AIM2: variants seen among roughly 807,000 people sequenced by gnomAD.
AIM2 encodes the protein interferon-inducible protein AIM2.
A neutral mutation model predicts 27.7 loss-of-function variants in AIM2; 30 were observed. The observed-to-expected ratio is 1.08, with a 90% confidence interval of 0.81 to 1.47. AIM2 has a LOEUF of 1.47. Among genes scored for constraint, AIM2 ranks in the 40% most tolerant of loss-of-function variants. The pLI, the probability that AIM2 is intolerant of heterozygous loss-of-function variation, is 0.00. For missense variants in AIM2, 358 were observed against 411.3 expected, an observed-to-expected ratio of 0.87 and a Z score of 1.12; for synonymous variants, 141 against 145.3, an observed-to-expected ratio of 0.97 and a Z score of 0.21.
intron 1 of AIM2, among the ~76,000 whole-genome samples, chr1:159,117,221 G>A (rs937894102): frequency 2.6e-5 from 4 of 152,102 alleles, no homozygotes; most frequent in Non-Finnish European, 4.4e-5. Flanking sequence ...ATTTGTGTGC[G>A]CACGAGAGAG....
intron 1 of AIM2, among the ~76,000 whole-genome samples, chr1:159,104,742 A>G (rs901197227): frequency 2.0e-5 from 3 of 152,184 alleles, no homozygotes; most frequent in African/African-American, 7.2e-5. Context: ...TAAATTACAC[A>G]TGTGCTTGCA....
At chr1:159,091,152 T>C (rs1657032627) in intron 1 of AIM2, among the ~76,000 whole-genome samples, 1 of 152,114 alleles carries the variant, frequency 6.6e-6, no homozygotes, top group South Asian at 2.1e-4. Context: ...TAAAAATAAT[T>C]AATACAAATA....
At chr1:159,130,090 G>A (rs924071184) in intron 1 of AIM2, among the ~76,000 whole-genome samples, 1 of 151,404 alleles carries the variant, frequency 6.6e-6, no homozygotes, top group Non-Finnish European at 1.5e-5. Flanking sequence ...ACTATGGCTC[G>A]TGCACCCTTT....
intron 1 of AIM2, among the ~76,000 whole-genome samples, chr1:159,087,218 G>A (rs1051329077): frequency 5.3e-5 from 8 of 151,882 alleles, no homozygotes; most frequent in Admixed American, 3.9e-4. Context: ...CTACTTCTTC[G>A]CTTTTCCTTG....
chr1:159,116,891 G>A (rs1647366907), intron 1 of AIM2, among the ~76,000 whole-genome samples: 1 of 151,618 alleles, frequency 6.6e-6, no homozygotes, highest in Non-Finnish European at 1.5e-5. Context: ...ACTGTATTAA[G>A]GTCCCCTGAA....
At chr1:159,074,870 A>G (rs2101989705) in intron 1 of AIM2, among the ~76,000 whole-genome samples, 1 of 152,312 alleles carries the variant, frequency 6.6e-6, no homozygotes, top group African/African-American at 2.4e-5. Context: ...GGAAGATTTG[A>G]TAAAATGAAG....
intron 1 of AIM2, among the ~76,000 whole-genome samples, chr1:159,103,381 C>CTT (rs11464359): frequency 7.1e-4 from 106 of 149,568 alleles, no homozygotes; most frequent in Middle Eastern, 3.4e-3. Flanking sequence ...ACAATTCCCA[C>CTT]TTTTTTTTTT....
chr1:159,093,117 T>C (rs1371344929), intron 1 of AIM2, among the ~76,000 whole-genome samples: 1 of 152,070 alleles, frequency 6.6e-6, no homozygotes, highest in African/African-American at 2.4e-5. Flanking sequence ...CTTAACCCCA[T>C]ACCATTCTGA....
chr1:159,124,300 A>G (rs537976091), intron 1 of AIM2, among the ~76,000 whole-genome samples: 1 of 152,364 alleles, frequency 6.6e-6, no homozygotes, highest in Non-Finnish European at 1.5e-5. Context: ...GCAGTTCGAT[A>G]TGGACTCCAA....
chr1:159,145,701 C>G (rs1648188574), intron 1 of AIM2, among the ~76,000 whole-genome samples: 1 of 152,150 alleles, frequency 6.6e-6, no homozygotes, highest in African/African-American at 2.4e-5. Context: ...AAAGTCCATA[C>G]AGAGGTCAAC....
intron 1 of AIM2, among the ~76,000 whole-genome samples, chr1:159,092,988 TACA>T (rs1657081164): frequency 6.6e-6 from 1 of 151,954 alleles, no homozygotes; most frequent in African/African-American, 2.4e-5. Context: ...ATCGCGCCAC[TACA>T]CTCCAGCCTC....
intron 1 of AIM2, among the ~76,000 whole-genome samples, chr1:159,102,163 T>C (rs965698788): frequency 6.6e-6 from 1 of 152,164 alleles, no homozygotes; most frequent in Admixed American, 6.6e-5. Context: ...CTGCTATGGC[T>C]AAAAGGGGCC....
chr1:159,118,365 C>T (rs540467615), intron 1 of AIM2, among the ~76,000 whole-genome samples: 33 of 152,260 alleles, frequency 2.2e-4, no homozygotes, highest in African/African-American at 5.3e-4. Flanking sequence ...TAACACATAC[C>T]TGTGTCTCCT....
rs374903921 is a variant in AIM2 at position 159,084,267 on chromosome 1, A to G, written c.-15-17938T>C. ...ATTCTATATAATGTGATCAAATGAA[A>G]AAACCCTGGAGAGGCAGGGCCTTCC... is the stretch of plus-strand genomic sequence containing the variant. On this transcript the variant is annotated intron_variant, in intron 1 of 2. Coordinates refer to the AIM2 transcript ENST00000368129. 1.1e-4 allele frequency among the ~76,000 whole-genome samples: 17 copies of G among 152,246 alleles called. 1 individual carries two copies. The East Asian group carries it at 1.5e-3, about 14-fold the overall frequency.
intron 1 of AIM2, among the ~76,000 whole-genome samples, chr1:159,075,042 T>C (rs974914016): frequency 3.3e-5 from 5 of 152,204 alleles, no homozygotes; most frequent in Admixed American, 6.5e-5. Flanking sequence ...TCCCTACTAC[T>C]AGGTATCAAT....
chr1:159,116,829 A>G (rs1389433890), intron 1 of AIM2, among the ~76,000 whole-genome samples: 1 of 151,902 alleles, frequency 6.6e-6, no homozygotes, highest in African/African-American at 2.4e-5. Flanking sequence ...AACTTAAAGT[A>G]TAATTAAAAA....
intron 1 of AIM2, among the ~76,000 whole-genome samples, chr1:159,092,841 T>C (rs551167868): frequency 2.0e-5 from 3 of 152,068 alleles, no homozygotes; most frequent in East Asian, 3.9e-4. Flanking sequence ...CTTGTCAACA[T>C]GGTGAAACCC....
In AIM2 at chr1:159,062,661, C is replaced by A. The variant is rs755948345; in HGVS notation, c.*31G>T. 2 of 1,607,720 alleles carry A rather than the reference C, an allele frequency of 1.2e-6. No homozygotes were observed. The highest frequency in any genetic ancestry group is 1.7e-6 in the Non-Finnish European group (2 of 1,175,008). The stretch of plus-strand genomic sequence containing the variant: ...TTCTTCAATTAAATGCTGCTTAGAC[C>A]AGTTGGCTTGAATTGGTCCTTTTTA... On this transcript the variant is annotated 3_prime_UTR_variant, in exon 6 of 6. Transcript: ENST00000368130.
At chr1:159,135,878 C>T (rs1648002273) in intron 1 of AIM2, among the ~76,000 whole-genome samples, 1 of 152,166 alleles carries the variant, frequency 6.6e-6, no homozygotes, top group South Asian at 2.1e-4. Flanking sequence ...CCTGTCTCTT[C>T]CCAGCTCCCC....
Sources: allele counts gnomAD v4.1 joint callset (sites outside exome capture counted in the v4.1 genomes callset), GRCh38; gene constraint gnomAD v4.1.1; transcripts MANE v1.5; gene names NCBI Gene and HGNC (gene_info 2026-07-23, HGNC 2026-07-21).